The following PPP6R3 variants were observed in gnomAD, a reference collection of about 807,000 sequenced individuals.
PPP6R3 encodes the protein serine/threonine-protein phosphatase 6 regulatory subunit 3.
A neutral mutation model predicts 110.7 loss-of-function variants in PPP6R3; 38 were observed. The observed-to-expected ratio is 0.34, with a 90% CI of 0.26 to 0.45. The LOEUF is 0.45. PPP6R3 is among the 20% of genes least tolerant of loss of function. PPP6R3 has a pLI of 1.00. For missense variants in PPP6R3, 870 were observed against 1,062.4 expected, an observed-to-expected ratio of 0.82 and a Z score of 2.52; for synonymous variants, 369 against 373.5, an observed-to-expected ratio of 0.99 and a Z score of 0.14.
intron 15 of PPP6R3, chr11:68,586,984 A>C (rs565790291): frequency 1.3e-5 from 2 of 152,262 alleles, no homozygotes; most frequent in African/African-American, 4.8e-5. Context: ...AGAAAACGGC[A>C]GTCTCATCTG....
At chr11:68,600,206 G>A (rs540178558) in intron 19 of PPP6R3, 135 bp from the exon 20 acceptor site, 41 of 956,904 alleles carry the variant, frequency 4.3e-5, no homozygotes, top group Middle Eastern at 2.1e-4. Context: ...TGCCCTGTCC[G>A]CTCCTGCCCT....
At chr11:68,593,126 A>G (rs1309197038) in intron 18 of PPP6R3, among the ~76,000 whole-genome samples, 1 of 152,216 alleles carries the variant, frequency 6.6e-6, no homozygotes, top group Non-Finnish European at 1.5e-5. Context: ...ATCCCAATCA[A>G]CATCATGAAT....
intron 1 of PPP6R3, among the ~76,000 whole-genome samples, chr11:68,512,861 C>T (rs1312541919): frequency 6.6e-6 from 1 of 152,154 alleles, no homozygotes; most frequent in African/African-American, 2.4e-5. Flanking sequence ...AAGTGCTTGT[C>T]CATTCCTGTT....
intron 2 of PPP6R3, among the ~76,000 whole-genome samples, chr11:68,527,950 C>T (rs2099209431): frequency 1.3e-5 from 2 of 152,286 alleles, no homozygotes; most frequent in Non-Finnish European, 1.5e-5. Context: ...CCTAAATGCT[C>T]CCTGTATTTT....
chr11:68,487,109 A>G (rs956091292), intron 1 of PPP6R3, among the ~76,000 whole-genome samples: 2 of 152,050 alleles, frequency 1.3e-5, no homozygotes, highest in East Asian at 1.9e-4. Context: ...TCTTATGCTT[A>G]CTTTGGAATT....
At position 68,571,150 on chromosome 11, in the gene PPP6R3, A is replaced by G. The variant is rs752880251; in HGVS notation, c.1343+46A>G. 6.4e-6 allele frequency: 10 copies of G among 1,571,710 alleles called. No individual in the cohort carries two copies. The South Asian group carries it at 1.1e-4, about 17-fold the overall frequency. The stretch of plus-strand genomic sequence containing the variant: ...AAAGGAATTCAGTTTGGTTGGTAAT[A>G]TGAGGAAAATAATACCTCCTTGCCC... On this transcript the variant is annotated intron_variant, in intron 12 of 23. Transcript: ENST00000393800.
chr11:68,610,004 A>G lies in PPP6R3; in HGVS notation c.2551A>G (p.Ser851Gly). 1 of 1,614,056 alleles carries G rather than the reference A, an allele frequency of 6.2e-7. No individual in the cohort carries two copies. The highest frequency in any genetic ancestry group is 8.5e-7 in the Non-Finnish European group (1 of 1,180,016). Residue 851 changes from serine to glycine, a missense_variant, in exon 23 of 24, where the codon AGC becomes GGC. Physicochemically the swap from Ser to Gly is moderately conservative, Grantham distance 56 (BLOSUM62 0). Transcript: ENST00000393800. ...EAKCAAPRPPSSSPEQRTGQP... is the reference protein window; with the variant it reads ...EAKCAAPRPPGSSPEQRTGQP... ...GAAGTGCGCGGCGCCCAGGCCTCCC[A>G]GCAGCAGTCCCGAGCAGAGGTAACC...
In PPP6R3 at chr11:68,509,027, T is replaced by C. The variant is rs1184581313; in HGVS notation, c.-157-10474T>C. ...AACTACTGAACCACATCTGATATTATTGATGATTAAAACCATAGTCTTCCT... is the reference window on the plus strand; with the variant it reads ...AACTACTGAACCACATCTGATATTACTGATGATTAAAACCATAGTCTTCCT... On this transcript the variant is annotated intron_variant, in intron 1 of 23. Transcript: ENST00000393800. Among the ~76,000 whole-genome samples, 3 of 152,264 alleles carry C rather than the reference T, an allele frequency of 2.0e-5. No homozygotes were observed. The East Asian group carries it at 5.8e-4, about 29-fold the overall frequency.
rs1351952651 is a variant in PPP6R3 at position 68,588,034 on chromosome 11, T to C, written c.1730+10T>C. On this transcript the variant is annotated intron_variant, in intron 16 of 23. Transcript: ENST00000393800. The stretch of plus-strand genomic sequence containing the variant: ...AAGATGACATTGGCAAGTGAGTATG[T>C]TTTTCTGTTTCCGCTGTTGCTCTTG... The C allele has an allele frequency of 1.2e-6, 2 of 1,608,292 alleles. No homozygotes were observed. The highest frequency in any genetic ancestry group is 1.7e-6 in the Non-Finnish European group (2 of 1,174,824).
chr11:68,566,278 C>T (rs2099468388), intron 9 of PPP6R3, among the ~76,000 whole-genome samples: 1 of 151,624 alleles, frequency 6.6e-6, no homozygotes, highest in Non-Finnish European at 1.5e-5. Context: ...ACTACTACCA[C>T]TTCTTCTTCT....
At chr11:68,507,246 ATTTTTTTTT>A (rs58191278) in intron 1 of PPP6R3, among the ~76,000 whole-genome samples, 1 of 114,982 alleles carries the variant, frequency 8.7e-6, no homozygotes, top group African/African-American at 3.1e-5. Flanking sequence ...GTCTTTTTGC[ATTTTTTTTT>A]TTTTTTTTTT....
At chr11:68,489,108 T>A (rs1347350660) in intron 1 of PPP6R3, among the ~76,000 whole-genome samples, 1 of 146,912 alleles carries the variant, frequency 6.8e-6, no homozygotes, top group African/African-American at 2.5e-5. Flanking sequence ...AAGCTCTGCC[T>A]CCTGGGTTCA....
chr11:68,584,992 T>G (rs774757923), intron 15 of PPP6R3, among the ~76,000 whole-genome samples: 3 of 152,218 alleles, frequency 2.0e-5, no homozygotes, highest in Non-Finnish European at 2.9e-5. Context: ...GATCAGAATA[T>G]TAGTTTGTAG....
chr11:68,574,363 G>A (rs2099522169), intron 13 of PPP6R3, 139 bp downstream of exon 13: 1 of 636,876 alleles, frequency 1.6e-6, no homozygotes, highest in Non-Finnish European at 2.7e-6. Flanking sequence ...ATTTGAATGA[G>A]GTTCTTGAGA....
chr11:68,569,649 A>G (rs2099494771), intron 10 of PPP6R3, 99 bp from the exon 11 acceptor site: 2 of 1,127,092 alleles, frequency 1.8e-6, no homozygotes, highest in Non-Finnish European at 2.5e-6. Flanking sequence ...CTGAGAGCAC[A>G]TCATTTTTAC....
chr11:68,548,068 T>C lies in PPP6R3; in HGVS notation c.416T>C (p.Ile139Thr). The C allele has an allele frequency of 6.2e-7, 1 of 1,613,016 alleles. No homozygotes were observed. The highest frequency in any genetic ancestry group is 8.5e-7 in the Non-Finnish European group (1 of 1,179,192). The change falls in exon 5 of 24, where the codon ATT becomes ACT. Residue 139 changes from isoleucine (I) to threonine (T), a missense_variant and splice_region_variant. By Grantham distance (89) the Ile-to-Thr change is moderately conservative. Coordinates refer to ENST00000393800, the MANE Select transcript of PPP6R3 (RefSeq NM_001164161.2). ...SILISRKPEQ[I>T]VDFLKKKHDF... The stretch of plus-strand genomic sequence containing the variant: ...AGTTTCTGATCTGTTCTTCTCTAGA[T>C]TGTGGATTTCTTAAAGAAGAAGCAT...
chr11:68,535,672 A>G (rs2099266165), intron 2 of PPP6R3: 2 of 151,472 alleles, frequency 1.3e-5, no homozygotes, highest in Non-Finnish European at 2.9e-5. Context: ...CTTCTTTAAA[A>G]CTCTGCTTGG....
chr11:68,477,728 TAAAAAAA>T (rs1181714569), intron 1 of PPP6R3, among the ~76,000 whole-genome samples: 5 of 77,410 alleles, frequency 6.5e-5, no homozygotes, highest in African/African-American at 2.9e-4. Context: ...CATTGTCTCT[TAAAAAAA>T]AAAAAAATAT....
chr11:68,561,885 A>C (rs922091766), intron 8 of PPP6R3, among the ~76,000 whole-genome samples: 4 of 152,188 alleles, frequency 2.6e-5, no homozygotes, highest in Admixed American at 6.5e-5. Context: ...TAGCCTCCTG[A>C]AGTAGCTAGG....
Sources: allele counts gnomAD v4.1 joint callset (sites outside exome capture counted in the v4.1 genomes callset), GRCh38; gene constraint gnomAD v4.1.1; transcripts MANE v1.5; gene names NCBI Gene and HGNC (gene_info 2026-07-23, HGNC 2026-07-21).